Variants in NTRK3 observed in about 807,000 individuals in gnomAD.
NTRK3 encodes NT-3 growth factor receptor.
In NTRK3, 24 loss-of-function variants were observed where a neutral mutation model predicts 91.7. That is an observed-to-expected ratio of 0.26 (90% CI 0.19 to 0.37). The LOEUF is 0.37. NTRK3 is among the 10% of genes least tolerant of loss of function. The pLI is 1.00. For missense variants in NTRK3, 880 were observed against 1,068.9 expected, an observed-to-expected ratio of 0.82 and a Z score of 2.46; for synonymous variants, 483 against 404.0, an observed-to-expected ratio of 1.20 and a Z score of -2.34.
intron 17 of NTRK3, among the ~76,000 whole-genome samples, chr15:87,892,226 G>C (rs72756137): frequency 1.3e-5 from 2 of 152,120 alleles, no homozygotes; most frequent in Non-Finnish European, 2.9e-5. Flanking sequence ...ACTGGTACAG[G>C]TGTTGAAAAT....
intron 6 of NTRK3, among the ~76,000 whole-genome samples, chr15:88,142,403 C>T (rs943745578): frequency 5.3e-5 from 8 of 152,274 alleles, no homozygotes; most frequent in Admixed American, 5.2e-4. Context: ...GATGGCTCCC[C>T]ACATATTAAC....
chr15:88,088,246 A>C (rs1267892153), intron 13 of NTRK3, among the ~76,000 whole-genome samples: 1 of 152,226 alleles, frequency 6.6e-6, no homozygotes, highest in African/African-American at 2.4e-5. Flanking sequence ...AAAAGCCAGC[A>C]AGACTGAGTG....
chr15:88,193,727 G>A (rs536661124), intron 3 of NTRK3, among the ~76,000 whole-genome samples: 1 of 152,168 alleles, frequency 6.6e-6, no homozygotes, highest in African/African-American at 2.4e-5. Flanking sequence ...CACCTTCTCA[G>A]GAACATATTC....
intron 14 of NTRK3, among the ~76,000 whole-genome samples, chr15:87,968,098 T>G (rs992059216): frequency 6.6e-6 from 1 of 152,214 alleles, no homozygotes; most frequent in Non-Finnish European, 1.5e-5. Flanking sequence ...TTTTTTACTC[T>G]CGTGTCTCGC....
At chr15:88,035,757 CAGA>C (rs1489695367) in intron 13 of NTRK3, among the ~76,000 whole-genome samples, 4 of 152,046 alleles carry the variant, frequency 2.6e-5, no homozygotes, top group African/African-American at 7.2e-5. Context: ...ATGCAGGAAG[CAGA>C]AGAAGACTTT....
chr15:88,139,935 T>TGGGGGGGGGGGGGGGGGGGGGGG (rs1250512649), intron 6 of NTRK3, among the ~76,000 whole-genome samples: 1 of 21,156 alleles, frequency 4.7e-5, no homozygotes, highest in Non-Finnish European at 9.4e-5. Context: ...GGGGGGAGTG[T>TGGGGGGGGGGGGGGGGGGGGGGG]GGGGGGTGGG....
intron 13 of NTRK3, among the ~76,000 whole-genome samples, chr15:88,110,645 G>A (rs1405699512): frequency 6.6e-6 from 1 of 152,170 alleles, no homozygotes; most frequent in Non-Finnish European, 1.5e-5. Flanking sequence ...CTAATCAAAT[G>A]TTCCTGTCAA....
At chr15:88,000,845 T>C (rs2076051382) in intron 14 of NTRK3, among the ~76,000 whole-genome samples, 1 of 152,230 alleles carries the variant, frequency 6.6e-6, no homozygotes, top group East Asian at 1.9e-4. Context: ...TGAACACGTT[T>C]TCAATTCTCT....
At chr15:88,157,432 T>C (rs2044016026) in intron 5 of NTRK3, among the ~76,000 whole-genome samples, 1 of 152,136 alleles carries the variant, frequency 6.6e-6, no homozygotes. Context: ...CCGTCCCTTC[T>C]GGTCTGTGCT....
At chr15:87,891,125 A>T (rs1351738738) in intron 17 of NTRK3, among the ~76,000 whole-genome samples, 2 of 150,474 alleles carry the variant, frequency 1.3e-5, no homozygotes, top group African/African-American at 5.0e-5. Context: ...TATATTAGAG[A>T]GAGTTTCAAA....
chr15:88,118,910 C>T (rs1263006173), intron 13 of NTRK3, among the ~76,000 whole-genome samples: 1 of 152,216 alleles, frequency 6.6e-6, no homozygotes, highest in Admixed American at 6.5e-5. Flanking sequence ...ATCTGAGATG[C>T]CATCACTTCG....
intron 5 of NTRK3, among the ~76,000 whole-genome samples, chr15:88,153,024 G>A (rs914966810): frequency 3.3e-5 from 5 of 152,274 alleles, no homozygotes; most frequent in South Asian, 2.1e-4. Context: ...TTTGAGCACC[G>A]TTTGGTCTTG....
chr15:87,987,976 C>A (rs1430022990), intron 14 of NTRK3, among the ~76,000 whole-genome samples: 1 of 152,146 alleles, frequency 6.6e-6, no homozygotes, highest in Non-Finnish European at 1.5e-5. Flanking sequence ...AGAGACTCCT[C>A]ACTCAAGGAC....
At chr15:88,133,720 A>T (rs1239409227) in intron 10 of NTRK3, among the ~76,000 whole-genome samples, 3 of 152,200 alleles carry the variant, frequency 2.0e-5, no homozygotes, top group Non-Finnish European at 2.9e-5. Context: ...ACCTGCTGAA[A>T]GAGAGCACAG....
chr15:88,206,502 C>CA (rs1300107382), intron 3 of NTRK3, among the ~76,000 whole-genome samples: 7 of 127,670 alleles, frequency 5.5e-5, no homozygotes, highest in East Asian at 2.4e-4. Context: ...ACTAAAAATA[C>CA]AAAAAATTAG....
intron 13 of NTRK3, among the ~76,000 whole-genome samples, chr15:88,091,405 C>T (rs2049001668): frequency 6.6e-6 from 1 of 152,214 alleles, no homozygotes; most frequent in South Asian, 2.1e-4. Flanking sequence ...AAATACAAAA[C>T]TCATACTACT....
At chr15:87,916,935 CA>C (rs1316836243) in intron 17 of NTRK3, among the ~76,000 whole-genome samples, 2 of 151,966 alleles carry the variant, frequency 1.3e-5, no homozygotes, top group Non-Finnish European at 2.9e-5. Flanking sequence ...GCTAATTTTT[CA>C]TATTTTCAGT....
chr15:88,192,322 T>C (rs751725762), intron 3 of NTRK3, among the ~76,000 whole-genome samples: 2 of 152,140 alleles, frequency 1.3e-5, no homozygotes, highest in Non-Finnish European at 2.9e-5. Context: ...GTCCAGGCCA[T>C]TGTGGCTGAA....
chr15:87,961,003 G>A (rs570862312), intron 14 of NTRK3, among the ~76,000 whole-genome samples: 1 of 152,022 alleles, frequency 6.6e-6, no homozygotes, highest in Non-Finnish European at 1.5e-5. Flanking sequence ...TGATGCCCAG[G>A]CCCAACTGCT....
Sources: gnomAD v4.1 joint callset for allele counts (sites outside exome capture counted in the v4.1 genomes callset) on GRCh38, gnomAD v4.1.1 for gene constraint, MANE v1.5 for transcripts, NCBI Gene and HGNC (gene_info 2026-07-23, HGNC 2026-07-21) for gene names.